The following PPP1R12A variants were observed in gnomAD, a reference collection of about 807,000 sequenced individuals.
The protein encoded by PPP1R12A is myosin binding subunit.
Under a neutral mutation model 139.6 loss-of-function variants are expected in PPP1R12A, and 19 were observed. The ratio of observed to expected loss-of-function variants is 0.14; its 90% CI spans 0.09 to 0.20. PPP1R12A has a LOEUF of 0.20. Ranked by LOEUF, PPP1R12A falls within the 10% of genes least tolerant of loss-of-function variation. The pLI is 1.00. For missense variants in PPP1R12A, 925 were observed against 1,211.5 expected (o/e 0.76, Z 3.51); for synonymous variants, 427 against 420.6 (o/e 1.02, Z -0.19).
intron 4 of PPP1R12A, among the ~76,000 whole-genome samples, chr12:79,829,527 T>A (rs894619028): frequency 6.6e-6 from 1 of 152,072 alleles, no homozygotes; most frequent in Non-Finnish European, 1.5e-5. Context: ...AATCAGCATA[T>A]GGAGAGATGG....
intron 21 of PPP1R12A, chr12:79,788,425 CA>C (rs1471949925): frequency 2.3e-6 from 1 of 429,278 alleles, no homozygotes; most frequent in African/African-American, 2.0e-5. Flanking sequence ...TCAATCATAG[CA>C]ATGACTTGAG....
chr12:79,814,460 G>A (rs192800846), intron 9 of PPP1R12A, among the ~76,000 whole-genome samples: 59 of 100,744 alleles, frequency 5.9e-4, no homozygotes, highest in African/African-American at 2.3e-3. Context: ...CTGGGCAACA[G>A]AGCAAGACTC....
intron 1 of PPP1R12A, among the ~76,000 whole-genome samples, chr12:79,892,782 T>C (rs932797452): frequency 1.3e-5 from 2 of 152,126 alleles, no homozygotes; most frequent in African/African-American, 4.8e-5. Context: ...ACTGTTTCCA[T>C]GAAACTACTG....
chr12:79,912,942 T>C (rs7305173), intron 1 of PPP1R12A, among the ~76,000 whole-genome samples: 17,962 of 152,196 alleles, frequency 0.12, 2,592 homozygotes, highest in African/African-American at 0.35. Context: ...TTTGAATACA[T>C]TAGAAATCTC....
chr12:79,793,481 G>A (rs1872140456), intron 19 of PPP1R12A, among the ~76,000 whole-genome samples: 1 of 152,106 alleles, frequency 6.6e-6, no homozygotes, highest in Admixed American at 6.5e-5. Context: ...CACTACTTCT[G>A]ATTATCCTTT....
chr12:79,861,022 T>G (rs922098149), intron 2 of PPP1R12A, among the ~76,000 whole-genome samples: 5 of 152,180 alleles, frequency 3.3e-5, no homozygotes, highest in African/African-American at 1.2e-4. Flanking sequence ...AAAAAAACAC[T>G]TTGGTGCTGA....
At chr12:79,922,613 C>T (rs1314266594) in intron 1 of PPP1R12A, among the ~76,000 whole-genome samples, 1 of 152,168 alleles carries the variant, frequency 6.6e-6, no homozygotes, top group African/African-American at 2.4e-5. Flanking sequence ...CTCAGGTTCT[C>T]ACTCATAAGT....
intron 14 of PPP1R12A, among the ~76,000 whole-genome samples, chr12:79,802,187 G>A (rs1873269043): frequency 6.6e-6 from 1 of 152,038 alleles, no homozygotes; most frequent in Admixed American, 6.6e-5. Flanking sequence ...ATATTGAAAG[G>A]TCTGTGATAC....
chr12:79,890,399 A>C (rs1423174312), intron 1 of PPP1R12A, among the ~76,000 whole-genome samples: 2 of 152,128 alleles, frequency 1.3e-5, no homozygotes, highest in African/African-American at 4.8e-5. Context: ...CCAAAATTGA[A>C]ATGTAGTTAA....
intron 3 of PPP1R12A, among the ~76,000 whole-genome samples, chr12:79,840,209 A>G (rs181870611): frequency 7.2e-4 from 109 of 152,336 alleles, no homozygotes; most frequent in Admixed American, 1.9e-3. Flanking sequence ...ATGGGGTAAC[A>G]GTAGTATAAA....
At chr12:79,894,199 A>T (rs1280488647) in intron 1 of PPP1R12A, among the ~76,000 whole-genome samples, 4 of 152,194 alleles carry the variant, frequency 2.6e-5, no homozygotes, top group African/African-American at 7.2e-5. Flanking sequence ...TGTTAAAATA[A>T]CAGCACTGTA....
At chr12:79,792,121 C>G (rs1301170064) in intron 19 of PPP1R12A, among the ~76,000 whole-genome samples, 1 of 152,152 alleles carries the variant, frequency 6.6e-6, no homozygotes, top group African/African-American at 2.4e-5. Flanking sequence ...TAGATAACCA[C>G]TGTTATCTAA....
At chr12:79,823,546 C>T (rs753547556) in intron 5 of PPP1R12A, among the ~76,000 whole-genome samples, 39 of 151,800 alleles carry the variant, frequency 2.6e-4, no homozygotes, top group Non-Finnish European at 5.1e-4. Flanking sequence ...GCTAGTTTTC[C>T]CATTGTCTGT....
intron 1 of PPP1R12A, among the ~76,000 whole-genome samples, chr12:79,906,935 C>T (rs1419726258): frequency 6.6e-6 from 1 of 152,220 alleles, no homozygotes; most frequent in Admixed American, 6.5e-5. Flanking sequence ...GCTAGGATTA[C>T]AGGTGTGAGC....
At chr12:79,805,926 A>C (rs1256325469) in intron 13 of PPP1R12A, 158 bp from the exon 14 acceptor site, 5 of 947,430 alleles carry the variant, frequency 5.3e-6, no homozygotes, top group Non-Finnish European at 7.6e-6. Flanking sequence ...GCTCACCCAG[A>C]GTTGTCAAAG....
chr12:79,874,742 G>T (rs977311593), intron 1 of PPP1R12A, among the ~76,000 whole-genome samples: 1 of 152,148 alleles, frequency 6.6e-6, no homozygotes, highest in Non-Finnish European at 1.5e-5. Context: ...TTTGTGCCAG[G>T]TAGTATGAAA....
At chr12:79,867,017 C>G (rs947743712) in intron 2 of PPP1R12A, among the ~76,000 whole-genome samples, 18 of 152,130 alleles carry the variant, frequency 1.2e-4, no homozygotes, top group Non-Finnish European at 2.4e-4. Flanking sequence ...GACACAGGTA[C>G]ACATATGTTT....
intron 10 of PPP1R12A, among the ~76,000 whole-genome samples, chr12:79,809,316 A>G (rs925445358): frequency 2.0e-5 from 3 of 152,176 alleles, no homozygotes; most frequent in Non-Finnish European, 4.4e-5. Context: ...TATATAATGC[A>G]GTATTAATAC....
At chr12:79,806,130 C>T in intron 13 of PPP1R12A, 36 bp downstream of exon 13, 1 of 1,604,602 alleles carries the variant, frequency 6.2e-7, no homozygotes, top group Non-Finnish European at 8.5e-7. Context: ...CATAAGCACA[C>T]AGTAGACCTG....
Sources: allele counts gnomAD v4.1 joint callset (sites outside exome capture counted in the v4.1 genomes callset), GRCh38; gene constraint gnomAD v4.1.1; transcripts MANE v1.5; gene names NCBI Gene and HGNC (gene_info 2026-07-23, HGNC 2026-07-21).